SNTB1: variants seen among roughly 807,000 people sequenced by gnomAD.
SNTB1 encodes beta-1-syntrophin.
A neutral mutation model predicts 48.9 loss-of-function variants in SNTB1; 36 were observed. The ratio of observed to expected loss-of-function variants is 0.74; its 90% CI spans 0.56 to 0.97. SNTB1 has a LOEUF of 0.97. Ranked by LOEUF, SNTB1 falls within the 50% of genes least tolerant of loss-of-function variation. The pLI, the probability that SNTB1 is intolerant of heterozygous loss-of-function variation, is 0.00. For synonymous variants in SNTB1, 299 were observed against 294.6 expected, an observed-to-expected ratio of 1.01 and a Z score of -0.15; for missense variants, 786 against 703.4, an observed-to-expected ratio of 1.12 and a Z score of -1.33.
chr8:120,669,365 C>CA (rs1278462343), intron 2 of SNTB1, among the ~76,000 whole-genome samples: 3 of 150,086 alleles, frequency 2.0e-5, no homozygotes, highest in Admixed American at 6.6e-5. Flanking sequence ...TAGAAAATAA[C>CA]AAAAAAAGGA....
At chr8:120,752,869 G>A (rs1819246089) in intron 1 of SNTB1, among the ~76,000 whole-genome samples, 1 of 150,854 alleles carries the variant, frequency 6.6e-6, no homozygotes, top group Non-Finnish European at 1.5e-5. Flanking sequence ...TACCTATTGG[G>A]TACTATACTC....
At chr8:120,653,906 G>A (rs1466840004) in intron 2 of SNTB1, among the ~76,000 whole-genome samples, 2 of 151,430 alleles carry the variant, frequency 1.3e-5, no homozygotes, top group African/African-American at 4.8e-5. Flanking sequence ...GGGCATTGTG[G>A]TGGGTGCCTG....
chr8:120,743,888 G>A (rs1227672353), intron 1 of SNTB1, among the ~76,000 whole-genome samples: 1 of 152,184 alleles, frequency 6.6e-6, no homozygotes, highest in East Asian at 1.9e-4. Flanking sequence ...TAACAGTTTG[G>A]GAAGACAAGG....
chr8:120,571,795 G>T (rs1343888414), intron 4 of SNTB1, among the ~76,000 whole-genome samples: 1 of 152,046 alleles, frequency 6.6e-6, no homozygotes, highest in African/African-American at 2.4e-5. Flanking sequence ...CAGCATACCC[G>T]GCCATGATTA....
chr8:120,608,366 A>T (rs1816560277), intron 3 of SNTB1, among the ~76,000 whole-genome samples: 1 of 152,236 alleles, frequency 6.6e-6, no homozygotes, highest in African/African-American at 2.4e-5. Context: ...ATGTGACTGT[A>T]TATAGACACA....
At position 120,547,374 on chromosome 8, in the gene SNTB1, T is replaced by A. The variant is rs572406466; in HGVS notation, c.1333+1388A>T. Among the ~76,000 whole-genome samples, 23 of 152,136 alleles carry A rather than the reference T, an allele frequency of 1.5e-4. No individual in the cohort carries two copies. The South Asian group carries it at 3.7e-3, about 25-fold the overall frequency. On this transcript the variant is annotated intron_variant, in intron 5 of 6. Coordinates refer to ENST00000517992, the MANE Select transcript of SNTB1 (RefSeq NM_021021.4). ...ACTTTGGGAAGTCAAGGCACATAGA[T>A]CACTTGAGGTCAGGAGTTCGAGACC...
At chr8:120,801,994 C>T (rs1440530696) in intron 1 of SNTB1, among the ~76,000 whole-genome samples, 1 of 152,074 alleles carries the variant, frequency 6.6e-6, no homozygotes, top group Non-Finnish European at 1.5e-5. Flanking sequence ...AGAGATAACC[C>T]TTTGGTGTCC....
At chr8:120,592,440 C>T (rs1370239883) in intron 3 of SNTB1, among the ~76,000 whole-genome samples, 2 of 152,134 alleles carry the variant, frequency 1.3e-5, no homozygotes, top group Non-Finnish European at 2.9e-5. Context: ...CCTCCTACCT[C>T]AGTCTCCCAA....
chr8:120,744,121 A>ATTTTTTTTT (rs35604534), intron 1 of SNTB1, among the ~76,000 whole-genome samples: 71 of 136,138 alleles, frequency 5.2e-4, no homozygotes, highest in African/African-American at 1.5e-3. Flanking sequence ...CCCTGTCTCA[A>ATTTTTTTTT]TTTTTTTTTT....
intron 1 of SNTB1, among the ~76,000 whole-genome samples, chr8:120,799,667 A>G (rs1021255072): frequency 1.3e-5 from 2 of 152,022 alleles, no homozygotes; most frequent in African/African-American, 4.8e-5. Flanking sequence ...GGAGAGTCCA[A>G]TGTTCAGTTA....
At chr8:120,672,219 C>G (rs1262548117) in intron 2 of SNTB1, among the ~76,000 whole-genome samples, 1 of 152,162 alleles carries the variant, frequency 6.6e-6, no homozygotes, top group Non-Finnish European at 1.5e-5. Flanking sequence ...ATTTTTGACT[C>G]ATGATGTTGT....
At chr8:120,685,891 A>G (rs905596773) in intron 2 of SNTB1, among the ~76,000 whole-genome samples, 1 of 152,208 alleles carries the variant, frequency 6.6e-6, no homozygotes, top group Admixed American at 6.5e-5. Context: ...TTTATTGTTC[A>G]TAAGTTCCAC....
chr8:120,697,191 C>T (rs1469557948), intron 1 of SNTB1, among the ~76,000 whole-genome samples: 1 of 152,184 alleles, frequency 6.6e-6, no homozygotes, highest in Non-Finnish European at 1.5e-5. Flanking sequence ...CAAATATTTG[C>T]CAAATAACCC....
At chr8:120,671,182 C>T (rs1401520797) in intron 2 of SNTB1, among the ~76,000 whole-genome samples, 1 of 151,996 alleles carries the variant, frequency 6.6e-6, no homozygotes, top group East Asian at 1.9e-4. Flanking sequence ...CTGATATTAC[C>T]CCCATCTCCC....
chr8:120,805,041 G>A (rs994041693), intron 1 of SNTB1, among the ~76,000 whole-genome samples: 1 of 152,106 alleles, frequency 6.6e-6, no homozygotes, highest in Admixed American at 6.5e-5. Flanking sequence ...GTAGAGTATA[G>A]TACATAAAAG....
chr8:120,615,588 A>G (rs1186155577), intron 3 of SNTB1, among the ~76,000 whole-genome samples: 1 of 152,206 alleles, frequency 6.6e-6, no homozygotes, highest in Non-Finnish European at 1.5e-5. Context: ...CCAAAATAGG[A>G]GAAACTGAAC....
chr8:120,664,516 T>A (rs1358332814), intron 2 of SNTB1, among the ~76,000 whole-genome samples: 1 of 152,228 alleles, frequency 6.6e-6, no homozygotes, highest in Non-Finnish European at 1.5e-5. Context: ...TTTTAATAAA[T>A]AAAATCATAC....
chr8:120,723,170 G>T (rs1818695626), intron 1 of SNTB1, among the ~76,000 whole-genome samples: 1 of 152,068 alleles, frequency 6.6e-6, no homozygotes, highest in Admixed American at 6.6e-5. Context: ...CTTCCAATCT[G>T]ATTATCTAAT....
intron 1 of SNTB1, among the ~76,000 whole-genome samples, chr8:120,723,079 CGGT>C (rs1563580697): frequency 6.6e-6 from 1 of 151,990 alleles, no homozygotes; most frequent in Non-Finnish European, 1.5e-5. Flanking sequence ...TGTAGATGTG[CGGT>C]GTTATTTCTG....
Sources: allele counts gnomAD v4.1 joint callset (sites outside exome capture counted in the v4.1 genomes callset), GRCh38; gene constraint gnomAD v4.1.1; transcripts MANE v1.5; gene names NCBI Gene and HGNC (gene_info 2026-07-23, HGNC 2026-07-21).